Variants in L3HYPDH observed in about 807,000 individuals in gnomAD.
The protein encoded by L3HYPDH is trans-3-hydroxy-L-proline dehydratase.
Under a neutral mutation model 26.5 loss-of-function variants are expected in L3HYPDH, and 32 were observed. The ratio of observed to expected loss-of-function variants is 1.21; its 90% CI spans 0.91 to 1.62. L3HYPDH has a LOEUF of 1.62. L3HYPDH is among the 40% of genes most tolerant of loss of function. The pLI, the probability that L3HYPDH is intolerant of heterozygous loss-of-function variation, is 0.00. For synonymous variants in L3HYPDH, 215 were observed against 196.6 expected, an observed-to-expected ratio of 1.09 and a Z score of -0.78; for missense variants, 554 against 476.4, an observed-to-expected ratio of 1.16 and a Z score of -1.52.
rs763709383 is a variant in L3HYPDH at position 59,483,881 on chromosome 14, C to T, written c.436G>A (p.Val146Met). Residue 146 changes from valine (V) to methionine (M), a missense_variant, in exon 1 of 5, where the codon GTG (valine) becomes ATG (methionine). By Grantham distance (21) the Val-to-Met change is conservative. Transcript: ENST00000247194. ...HCPCGLVTAF[V>M]ACEDGRSHGP... ...TGGCTGCGGCCGTCCTCGCATGCCACGAAGGCGGTCACCAGCCCGCAGGGG... is the reference window on the plus strand; with the variant it reads ...TGGCTGCGGCCGTCCTCGCATGCCATGAAGGCGGTCACCAGCCCGCAGGGG... 4 of 1,573,488 alleles carry T rather than the reference C, an allele frequency of 2.5e-6. No homozygotes were observed. The Admixed American group carries it at 5.3e-5, about 21-fold the overall frequency.
chr14:59,481,759 A>G (rs1300438759), intron 1 of L3HYPDH, among the ~76,000 whole-genome samples: 1 of 152,236 alleles, frequency 6.6e-6, no homozygotes, highest in Non-Finnish European at 1.5e-5. Flanking sequence ...TATCTCCTTA[A>G]ACTACAAAAA....
chr14:59,485,244 C>T, upstream of L3HYPDH: 1 of 932,078 alleles, frequency 1.1e-6, no homozygotes, highest in East Asian at 2.7e-5. Flanking sequence ...AAAGCCCATA[C>T]AGAAGTTTCC....
chr14:59,502,939 G>A, the L3HYPDH span, among the ~76,000 whole-genome samples: 1 of 151,112 alleles, frequency 6.6e-6, no homozygotes, highest in Non-Finnish European at 1.5e-5. Flanking sequence ...TTTAGTAGAC[G>A]GGGTTTCACC....
At chr14:59,480,184 G>A (rs768831732) in intron 1 of L3HYPDH, among the ~76,000 whole-genome samples, 3 of 152,222 alleles carry the variant, frequency 2.0e-5, no homozygotes, top group Non-Finnish European at 4.4e-5. Context: ...GCTCTCAGGG[G>A]AAAGACATCT....
chr14:59,493,100 G>A, the L3HYPDH span, among the ~76,000 whole-genome samples: 2 of 152,074 alleles, frequency 1.3e-5, no homozygotes, highest in Non-Finnish European at 2.9e-5. Flanking sequence ...GCCCAGCCAA[G>A]GAGAGCTGGT....
At chr14:59,474,794 C>A (rs1015029606) in intron 4 of L3HYPDH, 1 of 341,874 alleles carries the variant, frequency 2.9e-6, no homozygotes, top group African/African-American at 2.1e-5. Flanking sequence ...GAAACTGATG[C>A]ACAGTGAAGT....
At position 59,484,194 on chromosome 14, in the gene L3HYPDH, C is replaced by A. The variant is rs748776548; in HGVS notation, c.123G>T (p.Glu41Asp). 1.3e-6 allele frequency: 2 copies of A among 1,598,884 alleles called. No homozygotes were observed. Among genetic ancestry groups the A allele is most frequent in the South Asian group, 1.1e-5 (1 of 91,040 alleles). The change falls in exon 1 of 5, where the codon GAG becomes GAT. Residue 41 changes from glutamate to aspartate, a missense_variant. Physicochemically the swap from Glu to Asp is conservative, Grantham distance 45. Coordinates refer to ENST00000247194, the MANE Select transcript of L3HYPDH (RefSeq NM_144581.2). Reference protein sequence around the residue: ...PLRIVLAGCPEVSGPTLLAKR... With the variant: ...PLRIVLAGCPDVSGPTLLAKR... Reference sequence around the variant, plus strand: ...TGGCCAGCAGGGTGGGCCCAGACACCTCCGGACACCCCGCCAGCACGATAC... The same window carrying A: ...TGGCCAGCAGGGTGGGCCCAGACACATCCGGACACCCCGCCAGCACGATAC...
chr14:59,469,827 A>T (rs1889269574), downstream of L3HYPDH, among the ~76,000 whole-genome samples: 3 of 152,214 alleles, frequency 2.0e-5, no homozygotes, highest in African/African-American at 4.8e-5. Context: ...GTATGGCCTT[A>T]GACCTCAGAA....
chr14:59,470,743 G>GT (rs1889287858), downstream of L3HYPDH, among the ~76,000 whole-genome samples: 1 of 152,140 alleles, frequency 6.6e-6, no homozygotes, highest in African/African-American at 2.4e-5. Context: ...GTAGAAGCCA[G>GT]ATTGCAGTAG....
At chr14:59,481,143 C>T (rs1253102) in intron 1 of L3HYPDH, among the ~76,000 whole-genome samples, 12,595 of 152,224 alleles carry the variant, frequency 0.083, 688 homozygotes, top group African/African-American at 0.16. Context: ...GGGTGCTACA[C>T]CTCACTGAGT....
At chr14:59,484,559 G>A, upstream of L3HYPDH, 1 of 1,569,142 alleles carries the variant, frequency 6.4e-7, no homozygotes, top group African/African-American at 1.4e-5. Flanking sequence ...CGCTGATCTA[G>A]TGCTTCTCGA....
the L3HYPDH span, chr14:59,499,015 CTTTTT>C: frequency 7.7e-4 from 98 of 127,226 alleles, no homozygotes; most frequent in South Asian, 1.2e-3. Flanking sequence ...TTGTTTAATC[CTTTTT>C]TTTTTTTTTT....
upstream of L3HYPDH, chr14:59,486,791 A>G: frequency 6.4e-7 from 1 of 1,570,380 alleles, no homozygotes. Context: ...ACTGAAATAT[A>G]TGGAGAATGT....
At chr14:59,472,464 G>A (rs1390167882), downstream of L3HYPDH, among the ~76,000 whole-genome samples, 4 of 151,888 alleles carry the variant, frequency 2.6e-5, no homozygotes, top group Non-Finnish European at 4.4e-5. Context: ...TAACAAAGAA[G>A]CTGACTCCAG....
chr14:59,491,012 G>C, the L3HYPDH span, among the ~76,000 whole-genome samples: 5 of 152,204 alleles, frequency 3.3e-5, no homozygotes, highest in Admixed American at 2.6e-4. Flanking sequence ...AAAAGAGGGA[G>C]TTGTACAACT....
the L3HYPDH span, chr14:59,495,371 C>T: frequency 1.7e-6 from 1 of 597,546 alleles, no homozygotes. Context: ...ATGTAAACAG[C>T]CTCTTGTAAC....
At chr14:59,473,927 G>A (rs1889444318) in intron 4 of L3HYPDH, among the ~76,000 whole-genome samples, 1 of 152,150 alleles carries the variant, frequency 6.6e-6, no homozygotes. Context: ...CACACAGACA[G>A]GGAGAGAGCA....
the L3HYPDH span, among the ~76,000 whole-genome samples, chr14:59,500,508 TAG>T: frequency 6.6e-6 from 1 of 152,218 alleles, no homozygotes; most frequent in African/African-American, 2.4e-5. Context: ...GTATTTAAAG[TAG>T]AGATTGCAGG....
upstream of L3HYPDH, chr14:59,486,717 C>T (rs1259546422): frequency 1.9e-6 from 3 of 1,579,972 alleles, no homozygotes; most frequent in African/African-American, 1.3e-5. Context: ...AAAAAGCTGT[C>T]GATATTCAAC....
Sources: allele counts gnomAD v4.1 joint callset (sites outside exome capture counted in the v4.1 genomes callset), GRCh38; gene constraint gnomAD v4.1.1; transcripts MANE v1.5; gene names NCBI Gene and HGNC (gene_info 2026-07-23, HGNC 2026-07-21).